A2M: variants seen among roughly 807,000 people sequenced by gnomAD.
A2M encodes alpha-2-macroglobulin, also known as C3 and PZP-like alpha-2-macroglobulin domain-containing protein 5.
In A2M, 128 loss-of-function variants were observed where a neutral mutation model predicts 183.9. That is an observed-to-expected ratio of 0.70 (90% CI 0.60 to 0.81). The LOEUF (loss-of-function observed/expected upper bound fraction) is 0.81. A2M is among the 30% of genes least tolerant of loss of function. The pLI is 0.00. For missense variants in A2M, 1,495 were observed against 1,787.6 expected, an observed-to-expected ratio of 0.84 and a Z score of 2.95; for synonymous variants, 592 against 670.8, an observed-to-expected ratio of 0.88 and a Z score of 1.81.
In A2M at chr12:9,080,207, A is replaced by C. The variant is rs768666617; in HGVS notation, c.2771-30T>G. On this transcript the variant is annotated intron_variant, in intron 22 of 35. Coordinates refer to ENST00000318602, the MANE Select transcript of A2M (RefSeq NM_000014.6). ...AGAAATAAGCAAATCAGACATATGA[A>C]AATTATTTCTGCATTATATCTTTCT... is the stretch of plus-strand genomic sequence containing the variant. 15 of 1,429,142 alleles carry C rather than the reference A, an allele frequency of 1.0e-5. No individual in the cohort carries two copies. In the East Asian group the frequency reaches 3.7e-4, roughly 35 times the overall value. 88.5% of individuals were successfully genotyped at this position (1,429,142 alleles called of 1,614,324 possible).
chr12:9,081,554 C>G (rs1948906805), intron 22 of A2M, among the ~76,000 whole-genome samples: 1 of 152,170 alleles, frequency 6.6e-6, no homozygotes, highest in Non-Finnish European at 1.5e-5. Context: ...TACTTGGAAA[C>G]AAGTCTAGGA....
At chr12:9,090,266 T>G in intron 20 of A2M, 90 bp downstream of exon 20, 1 of 1,585,462 alleles carries the variant, frequency 6.3e-7, no homozygotes, top group Non-Finnish European at 8.6e-7. Flanking sequence ...CTAGTGGTCT[T>G]TTCCTGAAGG....
chr12:9,097,702 C>T (rs992591330), intron 15 of A2M, among the ~76,000 whole-genome samples: 5 of 149,880 alleles, frequency 3.3e-5, no homozygotes, highest in Non-Finnish European at 5.9e-5. Context: ...GGCACGATCT[C>T]GGCTCACTCA....
intron 11 of A2M, among the ~76,000 whole-genome samples, chr12:9,103,830 A>G (rs1362923752): frequency 2.0e-5 from 3 of 152,206 alleles, no homozygotes; most frequent in African/African-American, 7.2e-5. Flanking sequence ...ACATTTGGGT[A>G]GCCTCGATCT....
At chr12:9,095,792 G>A (rs921613662) in intron 15 of A2M, 92 bp from the exon 16 acceptor site, 8 of 1,156,536 alleles carry the variant, frequency 6.9e-6, no homozygotes, top group Admixed American at 6.3e-5. Flanking sequence ...TCGCTCTGTC[G>A]CCCAGGCCGG....
chr12:9,106,458 G>T, intron 9 of A2M, 33 bp downstream of exon 9: 1 of 1,461,222 alleles, frequency 6.8e-7, no homozygotes, highest in Non-Finnish European at 9.5e-7. Flanking sequence ...AATGCCTGTT[G>T]TGTTTTCTCT....
At chr12:9,101,089 T>G in intron 13 of A2M, 55 bp downstream of exon 13, 1 of 1,495,350 alleles carries the variant, frequency 6.7e-7, no homozygotes, top group Non-Finnish European at 9.1e-7. Flanking sequence ...TTCCGTGGTG[T>G]AAGGCTGAAT....
At position 9,072,352 on chromosome 12, in the gene A2M, G is replaced by A. The variant is rs745900694; in HGVS notation, c.4103+7C>T. 1.2e-6 allele frequency: 2 copies of A among 1,613,598 alleles called. No homozygotes were observed. Among genetic ancestry groups the A allele is most frequent in the Non-Finnish European group, 8.5e-7 (1 of 1,179,820 alleles). On this transcript the variant is annotated splice_region_variant and intron_variant, in intron 31 of 35. Transcript: ENST00000318602. The stretch of plus-strand genomic sequence containing the variant: ...TAGGATTAGGTGATAGAGTCAGAAG[G>A]TCTTACCTGACACTTAGGGAGATTT...
In A2M at chr12:9,104,165, A is replaced by G. The variant is rs577045374; in HGVS notation, c.1266+74T>C. The G allele has an allele frequency of 6.5e-4, 961 of 1,467,910 alleles. 1 individual carries two copies. Among genetic ancestry groups the G allele is most frequent in the Non-Finnish European group, 8.4e-4 (917 of 1,090,334 alleles). The allele number at this position is 1,467,910 out of a possible 1,614,324, so 90.9% of individuals were successfully genotyped here. On this transcript the variant is annotated intron_variant, in intron 11 of 35. Coordinates refer to ENST00000318602, the MANE Select transcript of A2M (RefSeq NM_000014.6). ...CCATAGAACTAGACACAGTTTGGAA[A>G]TTTTCTCACCCTTAGGTTGCAACCT... is the stretch of plus-strand genomic sequence containing the variant.
chr12:9,093,641 T>C, intron 17 of A2M, 62 bp from the exon 18 acceptor site: 2 of 807,546 alleles, frequency 2.5e-6, no homozygotes, highest in Non-Finnish European at 3.5e-6. Context: ...TGAGAGAATG[T>C]AATAGTTGCC....
At chr12:9,086,450 A>G (rs1427652782) in intron 22 of A2M, among the ~76,000 whole-genome samples, 2 of 152,256 alleles carry the variant, frequency 1.3e-5, no homozygotes, top group East Asian at 3.8e-4. Context: ...TACCTAGTCA[A>G]GTGGGATTTA....
chr12:9,114,022 C>A (rs1358313345), intron 1 of A2M, among the ~76,000 whole-genome samples: 1 of 152,154 alleles, frequency 6.6e-6, no homozygotes, highest in Admixed American at 6.5e-5. Flanking sequence ...GGTAAGCACT[C>A]GCTTCCACTC....
In A2M at chr12:9,110,045, T is replaced by TTACAA; in HGVS notation, c.505-11_505-10insTTGTA. On this transcript the variant is annotated splice_polypyrimidine_tract_variant and intron_variant, in intron 5 of 35. Coordinates refer to ENST00000318602, the MANE Select transcript of A2M (RefSeq NM_000014.6). Reference sequence around the variant, plus strand: ...GATTTCCTTTGGGATCCTATATGAGTAAATTAATTATAACTTACAAAAGCA... The same window carrying TTACAA: ...GATTTCCTTTGGGATCCTATATGAGTTACAAAAATTAATTATAACTTACAAAAGCA... The TTACAA allele has an allele frequency of 6.3e-7, 1 of 1,597,798 alleles. No homozygotes were observed. The highest frequency in any genetic ancestry group is 8.5e-7 in the Non-Finnish European group (1 of 1,174,112).
intron 7 of A2M, among the ~76,000 whole-genome samples, chr12:9,108,574 T>C (rs1330857190): frequency 6.6e-6 from 1 of 152,212 alleles, no homozygotes; most frequent in Non-Finnish European, 1.5e-5. Context: ...AACCAGGAAC[T>C]TGGCCATCAC....
At chr12:9,095,726 G>C (rs1272535664) in intron 15 of A2M, 26 bp from the exon 16 acceptor site, 1 of 942,920 alleles carries the variant, frequency 1.1e-6, no homozygotes, top group Admixed American at 2.5e-5. Context: ...AGACAAAAAG[G>C]CAAACTTATT....
In A2M at chr12:9,080,163, C is replaced by G. The variant is rs1359556241; in HGVS notation, c.2785G>C (p.Glu929Gln). 2 of 1,582,736 alleles carry G rather than the reference C, an allele frequency of 1.3e-6. No individual in the cohort carries two copies. The highest frequency in any genetic ancestry group is 1.7e-6 in the Non-Finnish European group (2 of 1,162,954). ...GGTGGCAGTTTCAGGGATAATTCTTCAGAAACCTCACCACCTAGAGAAATA... is the reference window on the plus strand; with the variant it reads ...GGTGGCAGTTTCAGGGATAATTCTTGAGAAACCTCACCACCTAGAGAAATA... Reference protein sequence around the residue: ...LLCPSGGEVSEELSLKLPPNV... With the variant: ...LLCPSGGEVSQELSLKLPPNV... The change falls in exon 23 of 36, where the codon GAA (glutamate) becomes CAA (glutamine). Residue 929 changes from glutamate (E) to glutamine (Q), a missense_variant. Coordinates refer to ENST00000318602, the MANE Select transcript of A2M (RefSeq NM_000014.6).
At position 9,085,686 on chromosome 12, in the gene A2M, G is replaced by A. The variant is rs542131948; in HGVS notation, c.2770+3514C>T. Among the ~76,000 whole-genome samples the A allele has an allele frequency of 1.0e-3, 153 of 151,486 alleles. 2 individuals are homozygous for A. In the South Asian group the frequency reaches 0.03, roughly 30 times the overall value. ...GCAGAAATAAATCAAATAGAGACTA[G>A]AAAAAGAATACAAAAGATCAATGAA... On this transcript the variant is annotated intron_variant, in intron 22 of 35. Coordinates refer to ENST00000318602, the MANE Select transcript of A2M (RefSeq NM_000014.6).
intron 17 of A2M, 103 bp from the exon 18 acceptor site, chr12:9,093,682 CT>C (rs1412723478): frequency 2.1e-4 from 134 of 652,292 alleles, no homozygotes; most frequent in Middle Eastern, 2.6e-4. Flanking sequence ...AACAAATCGT[CT>C]GATGAAATAG....
intron 27 of A2M, 145 bp from the exon 28 acceptor site, chr12:9,077,081 T>A: frequency 2.7e-6 from 2 of 741,984 alleles, no homozygotes; most frequent in Non-Finnish European, 4.1e-6. Flanking sequence ...ATAATATTAT[T>A]TTTATCTGTT....
Sources: gnomAD v4.1 joint callset for allele counts (sites outside exome capture counted in the v4.1 genomes callset) on GRCh38, gnomAD v4.1.1 for gene constraint, MANE v1.5 for transcripts, NCBI Gene and HGNC (gene_info 2026-07-23, HGNC 2026-07-21) for gene names.